The following DAB1 variants were observed in gnomAD, a reference collection of about 807,000 sequenced individuals.
DAB1 encodes disabled homolog 1.
In DAB1, 15 loss-of-function variants were observed where a neutral mutation model predicts 64.6. That is an observed-to-expected ratio of 0.23 (90% confidence interval 0.16 to 0.36). The LOEUF (loss-of-function observed/expected upper bound fraction) is 0.36, where lower values mean the gene tolerates loss of function less well. DAB1 is among the 10% of genes least tolerant of loss of function. The pLI is 1.00. For missense variants in DAB1, 596 were observed against 706.7 expected, an observed-to-expected ratio of 0.84 and a Z score of 1.78; for synonymous variants, 235 against 251.9, an observed-to-expected ratio of 0.93 and a Z score of 0.64.
intron 4 of DAB1, among the ~76,000 whole-genome samples, chr1:58,199,540 T>C (rs909469169): frequency 1.3e-5 from 2 of 152,164 alleles, no homozygotes; most frequent in African/African-American, 4.8e-5. Context: ...GTTCTGAGGA[T>C]TAAAGTAGTT....
intron 6 of DAB1, among the ~76,000 whole-genome samples, chr1:57,672,335 T>C (rs1397314941): frequency 2.6e-5 from 4 of 152,222 alleles, no homozygotes; most frequent in Non-Finnish European, 1.5e-5. Context: ...ATGTAGTTAA[T>C]ATCATAAGTG....
At chr1:57,541,394 G>A in intron 7 of DAB1, among the ~76,000 whole-genome samples, 1 of 152,148 alleles carries the variant, frequency 6.6e-6, no homozygotes, top group East Asian at 1.9e-4. Flanking sequence ...CTCCCAAAGG[G>A]CTGGGATTAT....
At position 58,098,752 on chromosome 1, in the gene DAB1, G is replaced by A. The variant is rs765243071; in HGVS notation, n.387+51759C>T. Reference sequence around the variant, plus strand: ...CAAACATGTACAGAAGGAAGGCAACGTGAAGCCCCGGAGAAGGTGGCAATC... The same window carrying A: ...CAAACATGTACAGAAGGAAGGCAACATGAAGCCCCGGAGAAGGTGGCAATC... On this transcript the variant is annotated intron_variant and non_coding_transcript_variant, in intron 5 of 20. Coordinates refer to the DAB1 transcript ENST00000485760. Among the ~76,000 whole-genome samples the A allele has an allele frequency of 3.3e-5, 5 of 152,194 alleles. 1 individual carries two copies. The highest frequency in any genetic ancestry group is 1.3e-4 in the Admixed American group (2 of 15,282).
intron 4 of DAB1, among the ~76,000 whole-genome samples, chr1:58,297,606 C>T (rs1318299284): frequency 6.6e-6 from 1 of 152,124 alleles, no homozygotes; most frequent in African/African-American, 2.4e-5. Context: ...ACAGACATAT[C>T]TAGTGGATGG....
At chr1:57,168,582 C>T (rs947232366) in intron 2 of DAB1, among the ~76,000 whole-genome samples, 1 of 152,210 alleles carries the variant, frequency 6.6e-6, no homozygotes. Context: ...CTGTCACCTT[C>T]CCTTTCCCTG....
intron 4 of DAB1, among the ~76,000 whole-genome samples, chr1:58,277,142 C>A (rs920831449): frequency 6.7e-6 from 1 of 148,940 alleles, no homozygotes; most frequent in East Asian, 2.0e-4. Context: ...CGGGTTCAAG[C>A]GATTCTCTTG....
At chr1:58,379,625 C>T (rs1644369230) in intron 3 of DAB1, among the ~76,000 whole-genome samples, 1 of 152,168 alleles carries the variant, frequency 6.6e-6, no homozygotes, top group South Asian at 2.1e-4. Flanking sequence ...ATTTGAATAC[C>T]TATTGGTGCA....
chr1:57,194,479 TG>T (rs779067568), intron 2 of DAB1, among the ~76,000 whole-genome samples: 8 of 152,180 alleles, frequency 5.3e-5, no homozygotes, highest in Non-Finnish European at 8.8e-5. Flanking sequence ...AAGAGTTTGA[TG>T]ATTGCTGCAA....
intron 5 of DAB1, among the ~76,000 whole-genome samples, chr1:57,944,185 G>T (rs1280397241): frequency 6.6e-6 from 1 of 152,008 alleles, no homozygotes; most frequent in Non-Finnish European, 1.5e-5. Context: ...TACTCAACAC[G>T]CTGGCTTCAT....
At chr1:57,034,819 T>C (rs1405704000) in intron 9 of DAB1, among the ~76,000 whole-genome samples, 2 of 152,196 alleles carry the variant, frequency 1.3e-5, no homozygotes, top group African/African-American at 2.4e-5. Flanking sequence ...GGGAAAACTA[T>C]CACCCATAGC....
chr1:58,396,500 T>C (rs338925), intron 3 of DAB1, among the ~76,000 whole-genome samples: 110,982 of 151,466 alleles, frequency 0.73, 41,971 homozygotes, highest in African/African-American at 0.94. Context: ...CACAGAGGTG[T>C]GGCGGTGGGG....
At chr1:58,317,341 G>A (rs566464168) in intron 4 of DAB1, among the ~76,000 whole-genome samples, 15 of 152,302 alleles carry the variant, frequency 9.8e-5, no homozygotes, top group African/African-American at 3.6e-4. Context: ...TGACTGTGAT[G>A]AGATCTCACT....
intron 6 of DAB1, among the ~76,000 whole-genome samples, chr1:57,663,048 T>C (rs1646405214): frequency 6.6e-6 from 1 of 152,136 alleles, no homozygotes. Context: ...ACTGGGTAAT[T>C]TATAAAGAAA....
intron 1 of DAB1, among the ~76,000 whole-genome samples, chr1:57,306,310 C>T (rs1017511207): frequency 6.6e-6 from 1 of 152,184 alleles, no homozygotes; most frequent in Non-Finnish European, 1.5e-5. Flanking sequence ...CTGAGGGCTA[C>T]CTGAAGGCAT....
At chr1:57,512,280 G>A (rs1206923888) in intron 7 of DAB1, among the ~76,000 whole-genome samples, 1 of 152,112 alleles carries the variant, frequency 6.6e-6, no homozygotes. Context: ...TCATCCCCAG[G>A]ATCTAGCATC....
chr1:57,976,345 T>C (rs1041318265), intron 5 of DAB1, among the ~76,000 whole-genome samples: 3 of 152,204 alleles, frequency 2.0e-5, no homozygotes, highest in African/African-American at 7.2e-5. Context: ...AGGGGAAATA[T>C]TGCCTGAGGC....
chr1:57,731,860 A>G (rs1023649577), intron 6 of DAB1, among the ~76,000 whole-genome samples: 1 of 152,118 alleles, frequency 6.6e-6, no homozygotes, highest in African/African-American at 2.4e-5. Context: ...CACTCCTTAC[A>G]GTTTCTTTCA....
intron 3 of DAB1, among the ~76,000 whole-genome samples, chr1:58,471,772 C>T (rs1388117334): frequency 6.6e-6 from 1 of 152,112 alleles, no homozygotes; most frequent in Non-Finnish European, 1.5e-5. Context: ...CCTGCTCCTG[C>T]CATCTGAGGT....
intron 7 of DAB1, among the ~76,000 whole-genome samples, chr1:57,543,780 A>AG (rs1644827920): frequency 7.4e-5 from 1 of 13,470 alleles, no homozygotes; most frequent in Admixed American, 1.5e-3. Context: ...AAGCATATTT[A>AG]GGAATTGTTA....
Sources: allele counts gnomAD v4.1 joint callset (sites outside exome capture counted in the v4.1 genomes callset), GRCh38; gene constraint gnomAD v4.1.1; transcripts MANE v1.5; gene names NCBI Gene and HGNC (gene_info 2026-07-23, HGNC 2026-07-21).